The following MAP2 variants were observed in gnomAD, a reference collection of about 807,000 sequenced individuals.
MAP2 encodes the protein microtubule-associated protein 2.
Under a neutral mutation model 137.6 loss-of-function variants are expected in MAP2, and 14 were observed. That is an observed-to-expected ratio of 0.10 (90% CI 0.07 to 0.16). MAP2 has a LOEUF of 0.16. Among genes scored for constraint, MAP2 ranks in the 10% least tolerant of loss-of-function variants. The pLI, the probability that MAP2 is intolerant of heterozygous loss-of-function variation, is 1.00. For synonymous variants in MAP2, 786 were observed against 782.3 expected (o/e 1.00, Z -0.08); for missense variants, 2,088 against 2,191.5 (o/e 0.95, Z 0.94).
chr2:209,709,168 G>T (rs1301624693), intron 12 of MAP2, among the ~76,000 whole-genome samples: 1 of 152,146 alleles, frequency 6.6e-6, no homozygotes, highest in African/African-American at 2.4e-5. Flanking sequence ...ACTCTAAACT[G>T]CCAAGCTAGT....
At chr2:209,650,853 T>G (rs2094742885) in intron 4 of MAP2, among the ~76,000 whole-genome samples, 1 of 152,194 alleles carries the variant, frequency 6.6e-6, no homozygotes, top group Admixed American at 6.5e-5. Flanking sequence ...CAACAAGGCA[T>G]GTTATTTACG....
intron 1 of MAP2, among the ~76,000 whole-genome samples, chr2:209,482,266 A>G (rs1186452190): frequency 6.6e-6 from 1 of 152,228 alleles, no homozygotes; most frequent in Non-Finnish European, 1.5e-5. Flanking sequence ...GATATCCAAC[A>G]TTACACAATA....
intron 1 of MAP2, among the ~76,000 whole-genome samples, chr2:209,429,545 A>T (rs991184503): frequency 3.9e-5 from 6 of 152,186 alleles, no homozygotes; most frequent in Admixed American, 1.3e-4. Context: ...TTTAAGTAAA[A>T]TATTCCTAAT....
intron 1 of MAP2, among the ~76,000 whole-genome samples, chr2:209,488,147 G>A (rs984367736): frequency 8.5e-5 from 13 of 152,156 alleles, no homozygotes; most frequent in African/African-American, 3.1e-4. Context: ...GCAGAAGCAG[G>A]GTGGGGTGTC....
At chr2:209,703,836 A>G (rs2062502513) in intron 11 of MAP2, among the ~76,000 whole-genome samples, 1 of 152,146 alleles carries the variant, frequency 6.6e-6, no homozygotes, top group South Asian at 2.1e-4. Flanking sequence ...CGTACCAAAC[A>G]TAAACAATCA....
At chr2:209,445,748 T>C (rs1227768881) in intron 1 of MAP2, among the ~76,000 whole-genome samples, 1 of 151,632 alleles carries the variant, frequency 6.6e-6, no homozygotes, top group Non-Finnish European at 1.5e-5. Flanking sequence ...ACCCACATCT[T>C]CCAAGAAAAT....
chr2:209,660,701 AATTATTATT>A (rs562421271), intron 5 of MAP2, among the ~76,000 whole-genome samples: 1,519 of 104,420 alleles, frequency 0.015, 18 homozygotes, highest in African/African-American at 0.037. Context: ...GGCCTGCTGC[AATTATTATT>A]ATTATTATTA....
intron 2 of MAP2, among the ~76,000 whole-genome samples, chr2:209,572,095 A>G (rs903406719): frequency 6.6e-6 from 1 of 152,042 alleles, no homozygotes. Flanking sequence ...TGATTTTTTA[A>G]AAAAATCATC....
chr2:209,436,028 A>ATACAGTATATAT (rs1265310125), intron 1 of MAP2, among the ~76,000 whole-genome samples: 194 of 142,954 alleles, frequency 1.4e-3, no homozygotes, highest in East Asian at 4.0e-3. Flanking sequence ...TATATAAAAT[A>ATACAGTATATAT]TATATATATG....
At position 209,680,738 on chromosome 2, in the gene MAP2, T is replaced by C; in HGVS notation, c.377-12T>C. The stretch of plus-strand genomic sequence containing the variant: ...ATTATTGCATCTCATTTTTCTATTG[T>C]TTGATCTTTAGCAGCTGAAGAAACA... On this transcript the variant is annotated splice_polypyrimidine_tract_variant and intron_variant, in intron 6 of 15. Transcript: ENST00000682079. 6.2e-7 allele frequency: 1 copy of C among 1,611,362 alleles called. No individual in the cohort carries two copies. Among genetic ancestry groups the C allele is most frequent in the Middle Eastern group, 1.7e-4 (1 of 6,050 alleles).
At chr2:209,600,004 G>A (rs1559384795) in intron 3 of MAP2, among the ~76,000 whole-genome samples, 1 of 152,276 alleles carries the variant, frequency 6.6e-6, no homozygotes, top group East Asian at 1.9e-4. Context: ...AACAAGGTAG[G>A]TGCTCAGTTC....
chr2:209,592,083 T>G (rs989352705), intron 3 of MAP2, among the ~76,000 whole-genome samples: 3 of 152,192 alleles, frequency 2.0e-5, no homozygotes, highest in African/African-American at 7.2e-5. Context: ...CCAGAGGCTT[T>G]AATGCCTTTT....
At chr2:209,727,561 A>T (rs2074512595) in intron 14 of MAP2, among the ~76,000 whole-genome samples, 1 of 152,216 alleles carries the variant, frequency 6.6e-6, no homozygotes, top group Admixed American at 6.5e-5. Flanking sequence ...GAATCAAATG[A>T]CTAAATTCAT....
Position 209,693,194 on chromosome 2 carries a change from C to T in MAP2, c.1024C>T (p.Pro342Ser), listed in dbSNP as rs143122612. The T allele has an allele frequency of 3.7e-6, 6 of 1,612,312 alleles. No individual in the cohort carries two copies. The highest frequency in any genetic ancestry group is 1.7e-5 in the Admixed American group (1 of 59,632). The change falls in exon 8 of 16, where the codon CCT becomes TCT. Residue 342 changes from proline (P) to serine (S), a missense_variant. Pro to Ser is a moderately conservative substitution (Grantham distance 74). Coordinates refer to ENST00000682079, the MANE Select transcript of MAP2 (RefSeq NM_001375505.1). ...EIVTETSPFA[P>S]AFLQPDDKKS... Reference sequence around the variant, plus strand: ...AGTTACAGAAACATCGCCCTTTGCCCCTGCCTTTTTACAGCCAGATGACAA... The same window carrying T: ...AGTTACAGAAACATCGCCCTTTGCCTCTGCCTTTTTACAGCCAGATGACAA...
chr2:209,570,226 C>T (rs975794269), intron 2 of MAP2, among the ~76,000 whole-genome samples: 1 of 151,820 alleles, frequency 6.6e-6, no homozygotes, highest in Non-Finnish European at 1.5e-5. Context: ...TAATTTATCT[C>T]TTCCCTTTCT....
At chr2:209,653,102 G>T in intron 4 of MAP2, 40 bp from the exon 5 acceptor site, 2 of 1,474,430 alleles carry the variant, frequency 1.4e-6, no homozygotes, top group South Asian at 1.4e-5. Flanking sequence ...CAGATCAGAA[G>T]ATTTCCCCAA....
At chr2:209,722,644 G>A (rs1427063235) in intron 13 of MAP2, among the ~76,000 whole-genome samples, 2 of 152,138 alleles carry the variant, frequency 1.3e-5, no homozygotes, top group Non-Finnish European at 2.9e-5. Flanking sequence ...TATTGCTTAT[G>A]TGTCCTCCAA....
intron 2 of MAP2, among the ~76,000 whole-genome samples, chr2:209,578,403 C>G (rs190530560): frequency 6.8e-6 from 1 of 147,076 alleles, no homozygotes; most frequent in Non-Finnish European, 1.5e-5. Context: ...CTGATGGAGG[C>G]GATTCTTTCA....
At chr2:209,504,098 G>GA (rs770236091) in intron 1 of MAP2, among the ~76,000 whole-genome samples, 26,806 of 133,760 alleles carry the variant, frequency 0.2, 2,928 homozygotes, top group Non-Finnish European at 0.27. Flanking sequence ...CCTGTCTCTG[G>GA]AAAAAAAAAA....
Sources: gnomAD v4.1 joint callset for allele counts (sites outside exome capture counted in the v4.1 genomes callset) on GRCh38, gnomAD v4.1.1 for gene constraint, MANE v1.5 for transcripts, NCBI Gene and HGNC (gene_info 2026-07-23, HGNC 2026-07-21) for gene names.